The following TENM2 variants were observed in gnomAD, a reference collection of about 807,000 sequenced individuals.
TENM2 encodes teneurin-2.
TENM2 carries 52 observed loss-of-function variants against 245.2 expected under a neutral mutation model. The observed-to-expected ratio is 0.21, with a 90% CI of 0.17 to 0.27. The LOEUF is 0.27. Ranked by LOEUF, TENM2 falls within the 10% of genes least tolerant of loss-of-function variation. The pLI, the probability that TENM2 is intolerant of heterozygous loss-of-function variation, is 1.00. For synonymous variants in TENM2, 1,363 were observed against 1,438.9 expected, an observed-to-expected ratio of 0.95 and a Z score of 1.19; for missense variants, 3,046 against 3,666.8, an observed-to-expected ratio of 0.83 and a Z score of 4.37.
At chr5:167,385,475 G>A (rs1761363989) in intron 2 of TENM2, among the ~76,000 whole-genome samples, 1 of 144,240 alleles carries the variant, frequency 6.9e-6, no homozygotes, top group African/African-American at 2.5e-5. Context: ...AACTTTTGGA[G>A]TATATTGTGG....
rs534373189 is a variant in TENM2 at position 167,323,119 on chromosome 5, A to G, written c.226+38056A>G. Among the ~76,000 whole-genome samples the G allele has an allele frequency of 4.6e-5, 7 of 152,302 alleles. No individual in the cohort carries two copies. The South Asian group carries it at 1.5e-3, about 32-fold the overall frequency. ...TCATAAAATGTCTTTTTCTCCTTCAAATTCTGAAAGGAGGATTTATACTAG... is the reference window on the plus strand; with the variant it reads ...TCATAAAATGTCTTTTTCTCCTTCAGATTCTGAAAGGAGGATTTATACTAG... On this transcript the variant is annotated intron_variant, in intron 1 of 28. Coordinates refer to ENST00000518659, the Ensembl canonical transcript of TENM2.
chr5:168,234,014 G>A (rs1765188533), intron 25 of TENM2, among the ~76,000 whole-genome samples: 1 of 152,066 alleles, frequency 6.6e-6, no homozygotes, highest in South Asian at 2.1e-4. Flanking sequence ...GATTTGGGTG[G>A]GGACACAGCC....
At chr5:168,154,164 A>AAAAAAAAAAAC (rs1171979738) in intron 12 of TENM2, among the ~76,000 whole-genome samples, 4 of 150,654 alleles carry the variant, frequency 2.7e-5, no homozygotes, top group African/African-American at 9.9e-5. Context: ...AAAAAAAAAA[A>AAAAAAAAAAAC]AACAGTAAGA....
chr5:167,671,945 C>T (rs1394991801), intron 2 of TENM2, among the ~76,000 whole-genome samples: 1 of 151,934 alleles, frequency 6.6e-6, no homozygotes, highest in Non-Finnish European at 1.5e-5. Flanking sequence ...ATTCTATGTG[C>T]ACTGTGCTGG....
chr5:167,790,062 T>C (rs1194269999), intron 2 of TENM2, among the ~76,000 whole-genome samples: 1 of 152,186 alleles, frequency 6.6e-6, no homozygotes, highest in Non-Finnish European at 1.5e-5. Flanking sequence ...AACCTCTATC[T>C]CAGTTCTTTG....
intron 2 of TENM2, among the ~76,000 whole-genome samples, chr5:167,410,136 ACAGTGATGATAC>A (rs1267285765): frequency 6.6e-6 from 1 of 151,998 alleles, no homozygotes; most frequent in East Asian, 1.9e-4. Flanking sequence ...TGAAATTTTT[ACAGTGATGATAC>A]CAGCAAACAC....
rs553102612 is a variant in TENM2 at position 167,514,644 on chromosome 5, G to A, written c.502+139171G>A. 4.0e-3 allele frequency among the ~76,000 whole-genome samples: 603 copies of A among 152,314 alleles called. 3 individuals are homozygous for A. The highest frequency in any genetic ancestry group is 5.7e-3 in the Non-Finnish European group (386 of 68,024). ...GCTTCCCAAGTGCTTCTTGGAAGAGGTGTAGGGCCTGAATGACTGACAGGT... is the reference window on the plus strand; with the variant it reads ...GCTTCCCAAGTGCTTCTTGGAAGAGATGTAGGGCCTGAATGACTGACAGGT... On this transcript the variant is annotated intron_variant, in intron 2 of 28. Transcript: ENST00000518659.
At chr5:167,936,117 G>A (rs1486100018) in intron 3 of TENM2, among the ~76,000 whole-genome samples, 1 of 152,150 alleles carries the variant, frequency 6.6e-6, no homozygotes, top group Non-Finnish European at 1.5e-5. Flanking sequence ...AAACCGCCTT[G>A]TATGCAGTCA....
the TENM2 span, among the ~76,000 whole-genome samples, chr5:167,091,828 C>T: frequency 1.3e-5 from 2 of 152,104 alleles, no homozygotes; most frequent in Non-Finnish European, 2.9e-5. Context: ...GAAATAGACA[C>T]TGAATAGCTG....
chr5:168,090,726 T>C (rs934526795), exon 8 of TENM2: 33 of 1,613,886 alleles, frequency 2.0e-5, no homozygotes, highest in Admixed American at 3.3e-5. Flanking sequence ...TCTACAATGA[T>C]GGAAAAGACA....
intron 3 of TENM2, among the ~76,000 whole-genome samples, chr5:167,930,453 T>TTTTATTTATTTA (rs142148292): frequency 9.8e-4 from 145 of 148,208 alleles, no homozygotes; most frequent in Admixed American, 2.0e-3. Flanking sequence ...TTTCTTAGAA[T>TTTTATTTATTTA]TTTATTTATT....
chr5:168,080,300 A>G (rs1046448770), intron 7 of TENM2, among the ~76,000 whole-genome samples: 2 of 151,920 alleles, frequency 1.3e-5, no homozygotes, highest in African/African-American at 2.4e-5. Flanking sequence ...TTTGTATTGC[A>G]TCTATTTGAT....
chr5:167,931,804 C>G (rs1486432787), intron 3 of TENM2, among the ~76,000 whole-genome samples: 2 of 152,056 alleles, frequency 1.3e-5, no homozygotes, highest in African/African-American at 2.4e-5. Context: ...GATCTTGAGC[C>G]CTTATGCCTT....
At chr5:167,489,805 A>C (rs1014457279) in intron 2 of TENM2, among the ~76,000 whole-genome samples, 11 of 152,130 alleles carry the variant, frequency 7.2e-5, no homozygotes, top group African/African-American at 2.7e-4. Flanking sequence ...TGTTGACATG[A>C]TTTTTACAAC....
chr5:168,150,666 A>G (rs905676219), intron 12 of TENM2, among the ~76,000 whole-genome samples: 1 of 152,210 alleles, frequency 6.6e-6, no homozygotes, highest in Non-Finnish European at 1.5e-5. Flanking sequence ...AGGGAAATCT[A>G]TATGGGAAAT....
intron 3 of TENM2, among the ~76,000 whole-genome samples, chr5:167,929,107 A>G (rs974758499): frequency 6.9e-6 from 1 of 144,132 alleles, no homozygotes; most frequent in African/African-American, 2.6e-5. Context: ...GAAAGAAAGA[A>G]AGAAAGAAAG....
the TENM2 span, among the ~76,000 whole-genome samples, chr5:167,272,186 C>G: frequency 6.6e-6 from 1 of 152,168 alleles, no homozygotes; most frequent in African/African-American, 2.4e-5. Flanking sequence ...GTGTAAGGCT[C>G]TGCATGACAT....
intron 2 of TENM2, chr5:167,721,459 G>A (rs1302409910): frequency 1.3e-5 from 2 of 152,162 alleles, no homozygotes; most frequent in African/African-American, 4.8e-5. Flanking sequence ...TGTTAGTTGG[G>A]TTTCGTCTCT....
chr5:167,968,043 A>G (rs1781507547), intron 4 of TENM2, among the ~76,000 whole-genome samples: 1 of 152,132 alleles, frequency 6.6e-6, no homozygotes, highest in Non-Finnish European at 1.5e-5. Context: ...CCTTTGATTT[A>G]TTAGTCTTGG....
Sources: gnomAD v4.1 joint callset for allele counts (sites outside exome capture counted in the v4.1 genomes callset) on GRCh38, gnomAD v4.1.1 for gene constraint, MANE v1.5 for transcripts, NCBI Gene and HGNC (gene_info 2026-07-23, HGNC 2026-07-21) for gene names.